GABRA3: variants seen among roughly 807,000 people sequenced by gnomAD.
GABRA3 encodes the protein gamma-aminobutyric acid type A receptor subunit alpha3.
GABRA3 carries 10 observed loss-of-function variants against 30.1 expected under a neutral mutation model. The ratio of observed to expected loss-of-function variants is 0.33; its 90% CI spans 0.20 to 0.56. GABRA3 has a LOEUF of 0.56. Ranked by LOEUF, GABRA3 falls within the 20% of genes least tolerant of loss-of-function variation. The pLI, the probability that GABRA3 is intolerant of heterozygous loss-of-function variation, is 0.89. For missense variants in GABRA3, 233 were observed against 392.0 expected (o/e 0.59, Z 3.42); for synonymous variants, 151 against 146.8 (o/e 1.03, Z -0.21).
chrX:152,182,976 G>A (rs1181530684), intron 9 of GABRA3, among the ~76,000 whole-genome samples: 1 of 104,546 alleles, frequency 9.6e-6, no homozygotes, highest in Non-Finnish European at 2.0e-5. Context: ...TTTTGTTGAG[G>A]ATTTTTACAT....
chrX:152,374,735 AT>A (rs1928950985), intron 1 of GABRA3, among the ~76,000 whole-genome samples: 1 of 110,618 alleles, frequency 9.0e-6, no homozygotes, highest in Non-Finnish European at 1.9e-5. Context: ...TATTACCTAG[AT>A]TTTCTTCTAG....
chrX:152,174,581 A>C (rs887908185), intron 9 of GABRA3, among the ~76,000 whole-genome samples: 20 of 111,962 alleles, frequency 1.8e-4, no homozygotes, highest in African/African-American at 5.2e-4. Flanking sequence ...TGGCTGCATA[A>C]ATGTCTTCTT....
chrX:152,284,990 C>T (rs1939266797), intron 3 of GABRA3, among the ~76,000 whole-genome samples: 1 of 110,315 alleles, frequency 9.1e-6, no homozygotes, highest in African/African-American at 3.3e-5. Flanking sequence ...CCTTAGAGAT[C>T]CCTGACATTC....
At chrX:152,316,657 T>C (rs1939882790) in intron 3 of GABRA3, among the ~76,000 whole-genome samples, 1 of 111,925 alleles carries the variant, frequency 8.9e-6, no homozygotes, top group African/African-American at 3.2e-5. Context: ...TAAGAGCAGA[T>C]TTCTCAGCAG....
At chrX:152,363,588 C>A (rs1928572366) in intron 2 of GABRA3, among the ~76,000 whole-genome samples, 1 of 111,134 alleles carries the variant, frequency 9.0e-6, no homozygotes, top group Non-Finnish European at 1.9e-5. Context: ...CTTTGCTTTA[C>A]TTCTTCTCTT....
chrX:152,437,925 G>A (rs979687008), intron 1 of GABRA3, among the ~76,000 whole-genome samples: 2 of 111,646 alleles, frequency 1.8e-5, no homozygotes, highest in African/African-American at 3.3e-5. Flanking sequence ...ACAAAATAGG[G>A]GAAAAGAAAG....
intron 1 of GABRA3, among the ~76,000 whole-genome samples, chrX:152,415,371 C>T (rs1409680398): frequency 9.0e-6 from 1 of 111,026 alleles, no homozygotes; most frequent in African/African-American, 3.3e-5. Context: ...AAAAAAGTTA[C>T]ACAGTATATA....
intron 1 of GABRA3, among the ~76,000 whole-genome samples, chrX:152,390,881 A>G (rs1411759937): frequency 8.9e-6 from 1 of 112,050 alleles, no homozygotes; most frequent in East Asian, 2.8e-4. Flanking sequence ...AAAACAAAAA[A>G]AAGTGATTTG....
intron 1 of GABRA3, among the ~76,000 whole-genome samples, chrX:152,370,328 T>C (rs927616671): frequency 1.8e-5 from 2 of 111,288 alleles, no homozygotes; most frequent in Admixed American, 1.9e-4. Context: ...GCCAGAACTT[T>C]ACCTGAACAA....
At chrX:152,392,482 G>A (rs917079150) in intron 1 of GABRA3, among the ~76,000 whole-genome samples, 7 of 111,983 alleles carry the variant, frequency 6.3e-5, no homozygotes, top group Admixed American at 9.5e-5. Flanking sequence ...CATGATGAAT[G>A]AGCAGAAGAC....
At chrX:152,235,953 ATTTCT>A (rs2124394127) in intron 5 of GABRA3, among the ~76,000 whole-genome samples, 1 of 74,887 alleles carries the variant, frequency 1.3e-5, no homozygotes, top group African/African-American at 6.6e-5. Context: ...GCACTATTTG[ATTTCT>A]TTTTTTTTTT....
At chrX:152,324,241 A>C (rs952692215) in intron 3 of GABRA3, among the ~76,000 whole-genome samples, 4 of 112,381 alleles carry the variant, frequency 3.6e-5, no homozygotes, top group African/African-American at 1.3e-4. Flanking sequence ...TTAGTTATAT[A>C]GAATACTTTC....
chrX:152,178,174 G>C (rs1370554232), intron 9 of GABRA3, among the ~76,000 whole-genome samples: 1 of 111,302 alleles, frequency 9.0e-6, no homozygotes, highest in Non-Finnish European at 1.9e-5. Flanking sequence ...AGACCATCAG[G>C]TCCTGAGTAC....
intron 3 of GABRA3, among the ~76,000 whole-genome samples, chrX:152,304,177 T>C (rs901535603): frequency 8.9e-6 from 1 of 111,981 alleles, no homozygotes; most frequent in Admixed American, 9.4e-5. Context: ...TTTATTTAAG[T>C]TCCTTATAGC....
intron 5 of GABRA3, among the ~76,000 whole-genome samples, chrX:152,246,976 G>T (rs1938470792): frequency 8.9e-6 from 1 of 112,108 alleles, no homozygotes; most frequent in African/African-American, 3.2e-5. Context: ...TTCAGAGGCA[G>T]AGTCTATAAT....
chrX:152,201,143 T>A (rs945965331), intron 7 of GABRA3, among the ~76,000 whole-genome samples: 7 of 112,515 alleles, frequency 6.2e-5, no homozygotes, highest in African/African-American at 2.3e-4. Flanking sequence ...GCAAATTAAT[T>A]TATTATGTCA....
intron 5 of GABRA3, among the ~76,000 whole-genome samples, chrX:152,241,947 G>A (rs1056864541): frequency 3.6e-5 from 4 of 111,707 alleles, no homozygotes; most frequent in Non-Finnish European, 7.5e-5. Context: ...AGATGGAAAT[G>A]CAGAAATCAC....
intron 1 of GABRA3, among the ~76,000 whole-genome samples, chrX:152,444,092 G>A (rs1475589008): frequency 9.0e-6 from 1 of 110,747 alleles, no homozygotes; most frequent in African/African-American, 3.3e-5. Context: ...AAAATTTTCT[G>A]TAATGCGGTT....
chrX:152,241,324 A>T (rs1350928233), intron 5 of GABRA3, among the ~76,000 whole-genome samples: 1 of 89,204 alleles, frequency 1.1e-5, no homozygotes, highest in Non-Finnish European at 2.6e-5. Context: ...GTCAGGGGTC[A>T]GGGGTCAGGG....
Sources: gnomAD v4.1 joint callset for allele counts (sites outside exome capture counted in the v4.1 genomes callset) on GRCh38, gnomAD v4.1.1 for gene constraint, MANE v1.5 for transcripts, NCBI Gene and HGNC (gene_info 2026-07-23, HGNC 2026-07-21) for gene names.